GRIP1: variants seen among roughly 807,000 people sequenced by gnomAD.
The protein encoded by GRIP1 is glutamate receptor-interacting protein 1.
Under a neutral mutation model 129.9 loss-of-function variants are expected in GRIP1, and 45 were observed. The ratio of observed to expected loss-of-function variants is 0.35; its 90% CI spans 0.27 to 0.44. The LOEUF is 0.44. Among genes scored for constraint, GRIP1 ranks in the 20% least tolerant of loss-of-function variants. The pLI, the probability that GRIP1 is intolerant of heterozygous loss-of-function variation, is 1.00. For missense variants in GRIP1, 1,196 were observed against 1,396.8 expected (o/e 0.86, Z 2.29); for synonymous variants, 530 against 520.8 (o/e 1.02, Z -0.24).
intron 1 of GRIP1, among the ~76,000 whole-genome samples, chr12:66,922,273 G>C (rs1212088895): frequency 1.3e-5 from 2 of 152,200 alleles, no homozygotes; most frequent in African/African-American, 4.8e-5. Flanking sequence ...TTTACATGGT[G>C]CAAGGCTTGC....
intron 1 of GRIP1, among the ~76,000 whole-genome samples, chr12:66,896,480 G>GAAGAAAAAAAGA (rs1555249918): frequency 1.7e-4 from 18 of 107,876 alleles, no homozygotes; most frequent in African/African-American, 4.1e-4. Flanking sequence ...TGAGGAATTT[G>GAAGAAAAAAAGA]AAAAAAAAAA....
chr12:66,776,205 T>C (rs12581619), intron 1 of GRIP1, among the ~76,000 whole-genome samples: 8,397 of 152,184 alleles, frequency 0.055, 406 homozygotes, highest in East Asian at 0.18. Context: ...TAGAAGCAAA[T>C]AAAGCGACAG....
At chr12:66,963,785 CT>C (rs1371224128) in intron 1 of GRIP1, among the ~76,000 whole-genome samples, 1 of 152,148 alleles carries the variant, frequency 6.6e-6, no homozygotes, top group Non-Finnish European at 1.5e-5. Flanking sequence ...ACAGCCCCCT[CT>C]CAGTCACCAC....
intron 15 of GRIP1, among the ~76,000 whole-genome samples, chr12:66,414,803 C>G (rs2057528023): frequency 1.3e-5 from 2 of 151,928 alleles, no homozygotes; most frequent in African/African-American, 4.8e-5. Context: ...ACACCCATAA[C>G]CATCTGATCA....
chr12:66,386,490 T>A (rs1308870129), intron 19 of GRIP1, among the ~76,000 whole-genome samples: 1 of 151,860 alleles, frequency 6.6e-6, no homozygotes, highest in African/African-American at 2.4e-5. Context: ...AAAAATTAGC[T>A]GGTCGTGGTG....
chr12:66,543,673 A>G lies in GRIP1; in HGVS notation c.137-1723T>C, dbSNP rs189405940. 1.8e-3 allele frequency among the ~76,000 whole-genome samples: 280 copies of G among 152,290 alleles called. 1 individual carries two copies. The highest frequency in any genetic ancestry group is 6.5e-3 in the African/African-American group (272 of 41,566). ...AAGGCTAGGTATAAATTTTTTTAAA[A>G]TAAAGTTAATAATTAAAGTAACCAA... On this transcript the variant is annotated intron_variant, in intron 2 of 24. Coordinates refer to ENST00000359742, the MANE Select transcript of GRIP1 (RefSeq NM_001366722.1).
intron 1 of GRIP1, among the ~76,000 whole-genome samples, chr12:66,914,964 G>A (rs1014553269): frequency 3.3e-5 from 5 of 151,928 alleles, no homozygotes; most frequent in South Asian, 2.1e-4. Flanking sequence ...GCCTCCCCTC[G>A]CAAAAAAGAC....
At chr12:66,528,142 T>TG (rs1565829990) in intron 5 of GRIP1, among the ~76,000 whole-genome samples, 7 of 120,372 alleles carry the variant, frequency 5.8e-5, no homozygotes, top group African/African-American at 2.3e-4. Context: ...AGGTTTTTTT[T>TG]TTTTTTTTTT....
intron 7 of GRIP1, among the ~76,000 whole-genome samples, chr12:66,488,076 AG>A (rs1246833829): frequency 6.6e-6 from 1 of 152,226 alleles, no homozygotes; most frequent in Non-Finnish European, 1.5e-5. Flanking sequence ...TCATTGAGAT[AG>A]AAAATTAGTG....
intron 23 of GRIP1, among the ~76,000 whole-genome samples, chr12:66,366,327 G>GT (rs1197467664): frequency 2.0e-5 from 3 of 152,146 alleles, no homozygotes; most frequent in African/African-American, 7.2e-5. Context: ...AAAGAAGCTG[G>GT]TATTATACAC....
chr12:66,485,058 T>C (rs2040697902), intron 7 of GRIP1, among the ~76,000 whole-genome samples: 1 of 152,156 alleles, frequency 6.6e-6, no homozygotes, highest in African/African-American at 2.4e-5. Flanking sequence ...TTTGGAATTG[T>C]TGGGTCACAG....
intron 1 of GRIP1, among the ~76,000 whole-genome samples, chr12:66,759,065 T>G (rs1215116927): frequency 1.3e-5 from 2 of 152,182 alleles, no homozygotes; most frequent in Non-Finnish European, 2.9e-5. Context: ...CACCCCAGAT[T>G]TGCATTCTGC....
At chr12:66,658,358 GTACGGTAGTAATTAA>G (rs1823114377) in intron 1 of GRIP1, among the ~76,000 whole-genome samples, 1 of 152,174 alleles carries the variant, frequency 6.6e-6, no homozygotes, top group South Asian at 2.1e-4. Context: ...AGTAAGTAAA[GTACGGTAGTAATTAA>G]AATTGTAGTC....
At chr12:66,815,323 T>C (rs1408552450) in intron 1 of GRIP1, among the ~76,000 whole-genome samples, 2 of 152,108 alleles carry the variant, frequency 1.3e-5, no homozygotes, top group Non-Finnish European at 2.9e-5. Flanking sequence ...CTCCAAAACC[T>C]AGCTCAGGAA....
chr12:66,687,733 A>T (rs1833786170), intron 1 of GRIP1, among the ~76,000 whole-genome samples: 1 of 152,146 alleles, frequency 6.6e-6, no homozygotes, highest in Non-Finnish European at 1.5e-5. Flanking sequence ...ATAACACCTT[A>T]ATTTTCTCTT....
chr12:66,422,015 G>C (rs2057818879), intron 14 of GRIP1, among the ~76,000 whole-genome samples: 6 of 152,088 alleles, frequency 3.9e-5, no homozygotes, highest in Admixed American at 3.9e-4. Flanking sequence ...GAGATATTTT[G>C]CCAACCTGAA....
intron 2 of GRIP1, among the ~76,000 whole-genome samples, chr12:66,581,708 G>T (rs2139618253): frequency 6.6e-6 from 1 of 152,190 alleles, no homozygotes; most frequent in South Asian, 2.1e-4. Context: ...AAACCAGGAA[G>T]AAGTTGAATC....
chr12:66,849,462 C>A (rs1409739870), intron 1 of GRIP1, among the ~76,000 whole-genome samples: 1 of 152,010 alleles, frequency 6.6e-6, no homozygotes, highest in Non-Finnish European at 1.5e-5. Flanking sequence ...TCTTAAAAAT[C>A]CTTTTGGCTG....
At chr12:66,613,622 C>A (rs1050341875) in intron 1 of GRIP1, among the ~76,000 whole-genome samples, 1 of 152,112 alleles carries the variant, frequency 6.6e-6, no homozygotes, top group Admixed American at 6.6e-5. Flanking sequence ...AAAGAACTTT[C>A]CGATTTCTGT....
Sources: allele counts gnomAD v4.1 joint callset (sites outside exome capture counted in the v4.1 genomes callset), GRCh38; gene constraint gnomAD v4.1.1; transcripts MANE v1.5; gene names NCBI Gene and HGNC (gene_info 2026-07-23, HGNC 2026-07-21).